ANK3: variants seen among roughly 807,000 people sequenced by gnomAD.
The protein encoded by ANK3 is ankyrin-3.
A neutral mutation model predicts 370.9 loss-of-function variants in ANK3; 57 were observed. The observed-to-expected ratio is 0.15, with a 90% CI of 0.12 to 0.19. The LOEUF (loss-of-function observed/expected upper bound fraction) is 0.19. Ranked by LOEUF, ANK3 falls within the 10% of genes least tolerant of loss-of-function variation. The probability of loss-of-function intolerance (pLI) is 1.00; values close to 1 mark genes in which losing one functional copy is unlikely to be tolerated. For synonymous variants in ANK3, 1,929 were observed against 1,946.3 expected, an observed-to-expected ratio of 0.99 and a Z score of 0.23; for missense variants, 4,439 against 5,302.1, an observed-to-expected ratio of 0.84 and a Z score of 5.06.
Position 60,462,599 on chromosome 10 carries a change from T to A in ANK3, c.96+152587A>T, listed in dbSNP as rs766347599. ...AAAAATTTAGCTTTTTTTTTTTTTT[T>A]AAAGAGATGGGCAGTCATGTACTGT... On this transcript the variant is annotated intron_variant, in intron 2 of 43. Coordinates refer to the ANK3 transcript ENST00000373827. Among the ~76,000 whole-genome samples, 731 of 139,990 alleles carry A rather than the reference T, an allele frequency of 5.2e-3. 4 individuals carry two copies. The highest frequency in any genetic ancestry group is 6.5e-3 in the Non-Finnish European group (421 of 64,542). 91.8% of individuals were successfully genotyped at this position (139,990 alleles called of 152,430 possible).
intron 1 of ANK3, among the ~76,000 whole-genome samples, chr10:60,323,887 G>C (rs2049209870): frequency 6.6e-6 from 1 of 152,194 alleles, no homozygotes; most frequent in South Asian, 2.1e-4. Flanking sequence ...GACCAGAGCT[G>C]AGAACTGATT....
At chr10:60,511,496 A>G (rs1290838829) in intron 2 of ANK3, among the ~76,000 whole-genome samples, 1 of 152,196 alleles carries the variant, frequency 6.6e-6, no homozygotes, top group Non-Finnish European at 1.5e-5. Context: ...TCTGAATTAC[A>G]TAATAAAAGC....
At position 60,369,855 on chromosome 10, in the gene ANK3, G is replaced by A. The variant is rs368776527; in HGVS notation, c.114+19570C>T. On this transcript the variant is annotated intron_variant, in intron 1 of 43. Transcript: ENST00000280772. ...TGCCTATACTGATATACAATGTCAGGTTAATGAAATTAAACATACAGAGAG... is the reference window on the plus strand; with the variant it reads ...TGCCTATACTGATATACAATGTCAGATTAATGAAATTAAACATACAGAGAG... 3.3e-5 allele frequency among the ~76,000 whole-genome samples: 5 copies of A among 152,066 alleles called. No homozygotes were observed. The East Asian group carries it at 7.7e-4, about 23-fold the overall frequency.
At chr10:60,237,228 G>C (rs1396085856) in intron 7 of ANK3, among the ~76,000 whole-genome samples, 2 of 152,318 alleles carry the variant, frequency 1.3e-5, no homozygotes, top group Admixed American at 1.3e-4. Flanking sequence ...TCTGTTTTCT[G>C]AGTACAAGTG....
chr10:60,701,277 A>G (rs2079542367), intron 1 of ANK3, among the ~76,000 whole-genome samples: 1 of 152,176 alleles, frequency 6.6e-6, no homozygotes, highest in Non-Finnish European at 1.5e-5. Flanking sequence ...AAACATTTTC[A>G]TATGTGGTCG....
rs2082000814 is a variant in ANK3 at position 60,068,141 on chromosome 10, C to T, written c.12245-132G>A. ...GTACACTGAAATGTGTCCTAGTCAC[C>T]TACATGAACACTTCTTTGCACATGG... On this transcript the variant is annotated intron_variant, in intron 37 of 43. Coordinates refer to ENST00000280772, the MANE Select transcript of ANK3 (RefSeq NM_020987.5). 4.2e-6 allele frequency: 3 copies of T among 716,224 alleles called. No homozygotes were observed. The South Asian group carries it at 6.6e-5, about 16-fold the overall frequency. The allele number at this position is 716,224 out of a possible 1,614,324, so 44.4% of individuals were successfully genotyped here. A position where few individuals can be genotyped will look rare whatever the true frequency, so the allele number is the denominator to read the frequency against.
At chr10:60,104,214 A>T (rs369353777) in intron 28 of ANK3, among the ~76,000 whole-genome samples, 3 of 151,832 alleles carry the variant, frequency 2.0e-5, no homozygotes, top group Non-Finnish European at 4.4e-5. Context: ...CTACACGTGT[A>T]GGTTTGAGTT....
intron 18 of ANK3, among the ~76,000 whole-genome samples, chr10:60,173,611 A>G (rs2095850345): frequency 6.6e-6 from 1 of 152,194 alleles, no homozygotes; most frequent in Admixed American, 6.5e-5. Flanking sequence ...ATAATAACAC[A>G]TGGCAGGAGG....
intron 2 of ANK3, among the ~76,000 whole-genome samples, chr10:60,550,093 T>A (rs561695316): frequency 1.3e-5 from 2 of 152,138 alleles, no homozygotes; most frequent in African/African-American, 2.4e-5. Flanking sequence ...CCATTTCATA[T>A]GAAAATTATT....
intron 26 of ANK3, chr10:60,111,867 A>G: frequency 2.3e-6 from 1 of 427,732 alleles, no homozygotes; most frequent in South Asian, 1.7e-5. Flanking sequence ...AATAAAAACC[A>G]TCAGAAAATG....
At chr10:60,426,583 A>C (rs2132965313) in intron 2 of ANK3, among the ~76,000 whole-genome samples, 1 of 152,218 alleles carries the variant, frequency 6.6e-6, no homozygotes, top group Non-Finnish European at 1.5e-5. Context: ...AGATGATGAA[A>C]TCTGTTGCTT....
chr10:60,176,179 C>CAAAAAAAAAA (rs1328240039), intron 18 of ANK3, among the ~76,000 whole-genome samples: 23 of 79,288 alleles, frequency 2.9e-4, no homozygotes, highest in Middle Eastern at 6.5e-3. Context: ...GCTAAAAATA[C>CAAAAAAAAAA]AAAAAAAAAA....
At chr10:60,583,551 C>A in intron 2 of ANK3, among the ~76,000 whole-genome samples, 1 of 124,536 alleles carries the variant, frequency 8.0e-6, no homozygotes, top group Admixed American at 9.5e-5. Flanking sequence ...GAATCTCGTT[C>A]TGTCACCCAG....
At chr10:60,607,970 T>C (rs1481268775) in intron 2 of ANK3, among the ~76,000 whole-genome samples, 1 of 152,158 alleles carries the variant, frequency 6.6e-6, no homozygotes, top group Non-Finnish European at 1.5e-5. Flanking sequence ...GCACTTCAAA[T>C]GTCATACCTG....
chr10:60,517,760 GA>G (rs1395435348), intron 2 of ANK3, among the ~76,000 whole-genome samples: 4 of 93,504 alleles, frequency 4.3e-5, no homozygotes. Context: ...GAGAGAAAGA[GA>G]GAGAGAGAGA....
At chr10:60,396,795 T>G (rs1358795601) in intron 2 of ANK3, among the ~76,000 whole-genome samples, 1 of 152,218 alleles carries the variant, frequency 6.6e-6, no homozygotes, top group Non-Finnish European at 1.5e-5. Flanking sequence ...ACTTTGTCGC[T>G]AAGTAGCTAT....
At chr10:60,284,225 A>T (rs2098210046) in intron 1 of ANK3, among the ~76,000 whole-genome samples, 1 of 152,194 alleles carries the variant, frequency 6.6e-6, no homozygotes. Flanking sequence ...GCAAGGAAGA[A>T]TTCTGCCCTA....
At chr10:60,625,163 G>A (rs2078391460) in intron 1 of ANK3, among the ~76,000 whole-genome samples, 1 of 152,054 alleles carries the variant, frequency 6.6e-6, no homozygotes, top group African/African-American at 2.4e-5. Flanking sequence ...AAGCTACTCT[G>A]CCAAGAGAGG....
At chr10:60,572,359 C>A in intron 2 of ANK3, 1 of 1,133,766 alleles carries the variant, frequency 8.8e-7, no homozygotes. Context: ...ATTCTAGCAG[C>A]TTCTTAAAAA....
Sources: allele counts gnomAD v4.1 joint callset (sites outside exome capture counted in the v4.1 genomes callset), GRCh38; gene constraint gnomAD v4.1.1; transcripts MANE v1.5; gene names NCBI Gene and HGNC (gene_info 2026-07-23, HGNC 2026-07-21).